The following SART1 variants were observed in gnomAD, a reference collection of about 807,000 sequenced individuals.
SART1 encodes the protein U4/U6.U5 tri-snRNP-associated protein 1.
SART1 carries 28 observed loss-of-function variants against 105.0 expected under a neutral mutation model. The ratio of observed to expected loss-of-function variants is 0.27; its 90% CI spans 0.20 to 0.37. SART1 has a LOEUF of 0.37. SART1 is among the 10% of genes least tolerant of loss of function. The probability of loss-of-function intolerance (pLI) is 1.00; values close to 1 mark genes in which losing one functional copy is unlikely to be tolerated. For missense variants in SART1, 894 were observed against 1,106.5 expected (o/e 0.81, Z 2.72); for synonymous variants, 472 against 462.9 (o/e 1.02, Z -0.25).
intron 8 of SART1, 50 bp downstream of exon 8, chr11:65,966,268 G>C: frequency 6.2e-7 from 1 of 1,613,750 alleles, no homozygotes. Flanking sequence ...AGAATGTCGG[G>C]AATGGGGGCT....
Position 65,976,608 on chromosome 11 carries a change from G to A in SART1, c.1746+40G>A, listed in dbSNP as rs1427101796. On this transcript the variant is annotated intron_variant, in intron 13 of 19. Transcript: ENST00000312397. The surrounding 1 kb of genome is among the most constrained non-coding windows in gnomAD (Gnocchi z 5.1). Reference sequence around the variant, plus strand: ...GCCCCGCCCTCTGCTTCCCTCGGCTGGGTGGGCTGGCTGGGGCCTGGGCCG... The same window carrying A: ...GCCCCGCCCTCTGCTTCCCTCGGCTAGGTGGGCTGGCTGGGGCCTGGGCCG... The A allele has an allele frequency of 2.5e-6, 4 of 1,613,468 alleles. No homozygotes were observed. The highest frequency in any genetic ancestry group is 3.4e-6 in the Non-Finnish European group (4 of 1,179,918).
rs112242340 is a variant in SART1, at chr11:65,964,387, G to T, written c.372-128G>T. ...GCCAGGGCCCTTCCCAGTGTCCTAG[G>T]CTGCCTGGGGCAGACTTTGTGTTTG... is the stretch of plus-strand genomic sequence containing the variant. On this transcript the variant is annotated intron_variant, in intron 2 of 19. Transcript: ENST00000312397. 1.2e-3 allele frequency: 1,369 copies of T among 1,152,730 alleles called. 10 individuals are homozygous for T. The African/African-American group carries it at 0.016, about 13-fold the overall frequency. 71.4% of individuals were successfully genotyped at this position (1,152,730 alleles called of 1,614,324 possible).
chr11:65,973,381 C>T (rs1340224109), intron 12 of SART1, among the ~76,000 whole-genome samples: 1 of 151,974 alleles, frequency 6.6e-6, no homozygotes. Context: ...ACAGGCAGTT[C>T]ACAGAAGAGA....
Position 65,964,091 on chromosome 11 carries a change from A to G in SART1, c.331A>G (p.Ser111Gly), listed in dbSNP as rs759277070. 1.9e-6 allele frequency: 3 copies of G among 1,612,760 alleles called. No homozygotes were observed. Among genetic ancestry groups the G allele is most frequent in the Non-Finnish European group, 2.5e-6 (3 of 1,180,002 alleles). ...GYEAAASSKT[S>G]SGDASSLSIE... ...TGTTCCAGCTGCCAGCTCCAAAACT[A>G]GCTCAGGCGATGCCTCCTCACTCAG... Residue 111 changes from serine to glycine, a missense_variant, in exon 2 of 20, where the codon AGC becomes GGC. Around this residue, in one of 2 missense-constraint regions of SART1, gnomAD observed 712 missense variants for 778.2 expected, o/e 0.91. Transcript: ENST00000312397.
At position 65,976,664 on chromosome 11, in the gene SART1, A is replaced by G. The variant is rs1855486717; in HGVS notation, c.1755A>G (p.Glu585=). The part of the protein sequence containing the change: ...REEQEELMDF[E]RDEERSANGG... ...GGTCTTTTGTGCCCCAGGACTTTGA[A>G]CGGGATGAGGAGCGCTCAGCCAACG... Residue 585 remains glutamate, a synonymous_variant, in exon 14 of 20, where the codon GAA becomes GAG. Coordinates refer to ENST00000312397, the MANE Select transcript of SART1 (RefSeq NM_005146.5). This position sits in a 1 kb window ranked among gnomAD's most constrained non-coding sequence, Gnocchi z 5.1. 6.2e-7 allele frequency: 1 copy of G among 1,613,638 alleles called. No individual in the cohort carries two copies. The highest frequency in any genetic ancestry group is 8.5e-7 in the Non-Finnish European group (1 of 1,179,890).
intron 2 of SART1, 136 bp from the exon 3 acceptor site, chr11:65,964,379 T>C: frequency 5.7e-6 from 6 of 1,060,112 alleles, no homozygotes; most frequent in Non-Finnish European, 8.6e-6. Context: ...CCCTTCCCAG[T>C]GTCCTAGGCT....
At chr11:65,975,794 GA>G (rs1472520995) in intron 12 of SART1, among the ~76,000 whole-genome samples, 1 of 152,150 alleles carries the variant, frequency 6.6e-6, no homozygotes, top group Non-Finnish European at 1.5e-5. Context: ...GTTTTTTAAA[GA>G]GGGGAGATGG....
Position 65,961,827 on chromosome 11 carries a change from C to A in SART1, c.47C>A (p.Thr16Lys). The A allele has an allele frequency of 6.4e-7, 1 of 1,565,644 alleles. No individual in the cohort carries two copies. Among genetic ancestry groups the A allele is most frequent in the South Asian group, 1.2e-5 (1 of 86,300 alleles). Reference protein sequence around the residue: ...KHRGEKEAAGTTAAAGTGGAT... With the variant: ...KHRGEKEAAGKTAAAGTGGAT... ...CGCGGAGAGAAGGAGGCGGCCGGGA[C>A]GACGGCGGCGGCCGGCACCGGGGGT... The change falls in exon 1 of 20, where the codon ACG (threonine) becomes AAG (lysine). Residue 16 changes from threonine (T) to lysine (K), a missense_variant. Thr to Lys is a moderately conservative substitution (Grantham distance 78). Around this residue, in one of 2 missense-constraint regions of SART1, gnomAD observed 712 missense variants for 778.2 expected, o/e 0.91. Transcript: ENST00000312397.
Position 65,962,057 on chromosome 11 carries a change from G to C in SART1, c.277G>C (p.Val93Leu), listed in dbSNP as rs1177180019. ...RSQAEPSERR[V>L]KREKRDDGYE... Reference sequence around the variant, plus strand: ...CCAGGCAGAGCCCTCCGAGCGGCGCGTGAAGCGGGAGAAGCGCGATGACGG... The same window carrying C: ...CCAGGCAGAGCCCTCCGAGCGGCGCCTGAAGCGGGAGAAGCGCGATGACGG... Residue 93 changes from valine (V) to leucine (L), a missense_variant, in exon 1 of 20, where the codon GTG becomes CTG. By Grantham distance (32) the Val-to-Leu change is conservative. Transcript: ENST00000312397. The C allele has an allele frequency of 6.8e-6, 10 of 1,480,002 alleles. No homozygotes were observed. The highest frequency in any genetic ancestry group is 1.5e-5 in the African/African-American group (1 of 67,780). 91.7% of individuals were successfully genotyped at this position (1,480,002 alleles called of 1,614,324 possible).
intron 12 of SART1, among the ~76,000 whole-genome samples, chr11:65,974,030 G>A (rs1855432782): frequency 6.6e-6 from 1 of 151,854 alleles, no homozygotes. Flanking sequence ...CCAGCCCCAG[G>A]GAGAGGGACA....
At position 65,977,051 on chromosome 11, in the gene SART1, C is replaced by T; in HGVS notation, c.1895C>T (p.Pro632Leu). ...ASSTTILDEE[P>L]IVNRGLAAAL... ...TCCACCACCATCCTGGACGAGGAAC[C>T]GATCGTGAATAGGGGGCTGGCAGCT... Residue 632 changes from proline to leucine, a missense_variant, in exon 15 of 20, where the codon CCG becomes CTG. Pro to Leu is a moderately conservative substitution (Grantham distance 98). Around this residue, in one of 2 missense-constraint regions of SART1, gnomAD observed 182 missense variants for 328.3 expected, o/e 0.55. Transcript: ENST00000312397. The T allele has an allele frequency of 6.2e-7, 1 of 1,614,082 alleles. No individual in the cohort carries two copies. The highest frequency in any genetic ancestry group is 8.5e-7 in the Non-Finnish European group (1 of 1,179,968).
chr11:65,962,125 T>TTG, intron 1 of SART1, 32 bp downstream of exon 1: 1 of 62,144 alleles, frequency 1.6e-5, no homozygotes, highest in Non-Finnish European at 3.0e-5. Context: ...AGGGGGCGGG[T>TTG]CGGGCGGGGG....
intron 1 of SART1, 26 bp downstream of exon 1, chr11:65,962,119 G>T (rs1855155517): frequency 4.5e-6 from 5 of 1,109,816 alleles, no homozygotes; most frequent in South Asian, 1.6e-5. Flanking sequence ...CTGCGCAGGG[G>T]GCGGGTCGGG....
At chr11:65,966,782 C>T (rs901180772) in intron 9 of SART1, among the ~76,000 whole-genome samples, 1 of 152,218 alleles carries the variant, frequency 6.6e-6, no homozygotes, top group Admixed American at 6.5e-5. Flanking sequence ...ATGCTGCCAG[C>T]TCGTGCCTTG....
chr11:65,972,863 G>A (rs1211380), intron 12 of SART1, among the ~76,000 whole-genome samples: 144,872 of 152,100 alleles, frequency 0.95, 69,346 homozygotes, highest in Middle Eastern at 1. Context: ...AAAAGTGAAC[G>A]TGTAACTACA....
chr11:65,969,171 A>G (rs1040923684), intron 12 of SART1, among the ~76,000 whole-genome samples: 8 of 152,134 alleles, frequency 5.3e-5, no homozygotes, highest in Non-Finnish European at 8.8e-5. Context: ...GAGAGGACGT[A>G]TTTGAGGTTT....
intron 1 of SART1, 32 bp downstream of exon 1, chr11:65,962,125 T>TGG: frequency 9.7e-5 from 6 of 62,128 alleles, no homozygotes; most frequent in Admixed American, 2.4e-4. Flanking sequence ...AGGGGGCGGG[T>TGG]CGGGCGGGGG....
chr11:65,966,308 A>G (rs749561285), intron 8 of SART1, 42 bp from the exon 9 acceptor site: 1 of 1,613,696 alleles, frequency 6.2e-7, no homozygotes, highest in African/African-American at 1.3e-5. Flanking sequence ...GTGGCTTTTC[A>G]GGAGCCAGCC....
chr11:65,975,056 T>G (rs1318442601), intron 12 of SART1, among the ~76,000 whole-genome samples: 4 of 150,216 alleles, frequency 2.7e-5, no homozygotes, highest in Non-Finnish European at 5.9e-5. Context: ...AAATAAAAAT[T>G]AAAAGACAAA....
Sources: gnomAD v4.1 joint callset for allele counts (sites outside exome capture counted in the v4.1 genomes callset) on GRCh38, gnomAD v4.1.1 for gene constraint, gnomAD v4.1.1 regional missense constraint, Gnocchi (gnomAD v3.1) non-coding constraint, MANE v1.5 for transcripts, NCBI Gene and HGNC (gene_info 2026-07-23, HGNC 2026-07-21) for gene names.